CDH13: variants seen among roughly 807,000 people sequenced by gnomAD.
CDH13 encodes the protein cadherin-13.
Under a neutral mutation model 63.8 loss-of-function variants are expected in CDH13, and 24 were observed. The ratio of observed to expected loss-of-function variants is 0.38; its 90% CI spans 0.27 to 0.53. The LOEUF (loss-of-function observed/expected upper bound fraction) is 0.53, where lower values mean the gene tolerates loss of function less well. Among genes scored for constraint, CDH13 ranks in the 20% least tolerant of loss-of-function variants. The probability of loss-of-function intolerance (pLI) is 0.85; values close to 1 mark genes in which losing one functional copy is unlikely to be tolerated. For synonymous variants in CDH13, 503 were observed against 355.3 expected (o/e 1.42, Z -4.67); for missense variants, 1,049 against 903.1 (o/e 1.16, Z -2.07).
chr16:83,014,776 G>GTATATATATTTGTGTA lies in CDH13; in HGVS notation c.158-17225_158-17224insTTGTGTATATATATAT, dbSNP rs1567745792. On this transcript the variant is annotated intron_variant, in intron 2 of 13. Coordinates refer to ENST00000567109, the MANE Select transcript of CDH13 (RefSeq NM_001257.5). ...TATATATATATATATATATATATAT[G>GTATATATATTTGTGTA]TATATATATATATTTGTATATATAT... Among the ~76,000 whole-genome samples the GTATATATATTTGTGTA allele has an allele frequency of 1.3e-4, 5 of 37,300 alleles. No individual in the cohort carries two copies. The South Asian group carries it at 2.4e-3, about 18-fold the overall frequency. 24.5% of individuals were successfully genotyped at this position (37,300 alleles called of 152,430 possible).
At chr16:83,412,321 G>A (rs887752826) in intron 6 of CDH13, among the ~76,000 whole-genome samples, 1 of 152,122 alleles carries the variant, frequency 6.6e-6, no homozygotes, top group African/African-American at 2.4e-5. Context: ...AATTAGTCAG[G>A]CATGGTGGCA....
At chr16:83,395,097 A>G (rs10871272) in intron 6 of CDH13, among the ~76,000 whole-genome samples, 148,781 of 149,368 alleles carry the variant, frequency 1, 74,100 homozygotes, top group Middle Eastern at 1. Context: ...GCAGTGAGCC[A>G]AGATCGTGCC....
intron 3 of CDH13, among the ~76,000 whole-genome samples, chr16:83,080,871 G>GTTTTTTTTTTTGTTTTTT (rs2033185148): frequency 2.6e-4 from 12 of 46,950 alleles, no homozygotes; most frequent in Admixed American, 7.5e-4. Context: ...TTGTTTTTGT[G>GTTTTTTTTTTTGTTTTTT]TTTTTTTTTT....
chr16:83,216,546 G>T (rs1400966558), intron 4 of CDH13, among the ~76,000 whole-genome samples: 3 of 138,534 alleles, frequency 2.2e-5, no homozygotes, highest in Non-Finnish European at 4.6e-5. Context: ...TATATATAAT[G>T]GGGTTTAATA....
chr16:83,020,951 C>G (rs1045265611), intron 2 of CDH13, among the ~76,000 whole-genome samples: 1 of 152,200 alleles, frequency 6.6e-6, no homozygotes, highest in African/African-American at 2.4e-5. Flanking sequence ...GAGTAAAGCT[C>G]TCTTCACATT....
intron 7 of CDH13, among the ~76,000 whole-genome samples, chr16:83,558,054 C>G (rs915271399): frequency 6.6e-6 from 1 of 152,104 alleles, no homozygotes; most frequent in African/African-American, 2.4e-5. Flanking sequence ...AAAGGGCACC[C>G]AGCAATGCTC....
At chr16:82,850,661 C>A (rs942649209) in intron 1 of CDH13, among the ~76,000 whole-genome samples, 1 of 152,118 alleles carries the variant, frequency 6.6e-6, no homozygotes, top group Non-Finnish European at 1.5e-5. Context: ...AGAAATCATT[C>A]GTGAAAGGAA....
chr16:83,334,675 C>A (rs1248304391), intron 5 of CDH13, among the ~76,000 whole-genome samples: 4 of 152,116 alleles, frequency 2.6e-5, no homozygotes, highest in Admixed American at 2.6e-4. Flanking sequence ...CATACCTGGC[C>A]CAATCTCTGT....
At chr16:82,862,020 G>A (rs898799064) in intron 2 of CDH13, among the ~76,000 whole-genome samples, 1 of 152,200 alleles carries the variant, frequency 6.6e-6, no homozygotes, top group African/African-American at 2.4e-5. Flanking sequence ...AGCTTAGAAG[G>A]CAACCACTCA....
chr16:83,776,486 T>A (rs1015874352), intron 11 of CDH13, among the ~76,000 whole-genome samples: 1 of 152,174 alleles, frequency 6.6e-6, no homozygotes, highest in African/African-American at 2.4e-5. Flanking sequence ...AATGATCAAT[T>A]GCATTTGTGT....
In CDH13 at chr16:83,301,025, G is replaced by GTTTTTTTTT. The variant is rs3052591; in HGVS notation, c.637-43821_637-43813dup. 7.1e-4 allele frequency among the ~76,000 whole-genome samples: 56 copies of GTTTTTTTTT among 78,780 alleles called. 8 individuals carry two copies. Among genetic ancestry groups the GTTTTTTTTT allele is most frequent in the East Asian group, 5.0e-3 (11 of 2,182 alleles). The allele number at this position is 78,780 out of a possible 152,430, so 51.7% of individuals were successfully genotyped here. A position where few individuals can be genotyped will look rare whatever the true frequency, so the allele number is the denominator to read the frequency against. ...GAACTGATACATATAACTTTCTGGG[G>GTTTTTTTTT]TTTTTTTTTTTTTTTTTTTTTTTTG... On this transcript the variant is annotated intron_variant, in intron 5 of 13. Coordinates refer to ENST00000567109, the MANE Select transcript of CDH13 (RefSeq NM_001257.5).
intron 3 of CDH13, among the ~76,000 whole-genome samples, chr16:83,092,899 A>T (rs551861083): frequency 1.3e-5 from 2 of 152,328 alleles, no homozygotes; most frequent in Non-Finnish European, 2.9e-5. Context: ...GCACTGTTTC[A>T]TTTATAAAAA....
intron 7 of CDH13, among the ~76,000 whole-genome samples, chr16:83,507,139 CT>C (rs1279297368): frequency 6.6e-6 from 1 of 152,184 alleles, no homozygotes; most frequent in African/African-American, 2.4e-5. Flanking sequence ...CCTCTGTGGA[CT>C]TTTTCTGGTC....
At chr16:82,988,933 G>C (rs913048362) in intron 2 of CDH13, among the ~76,000 whole-genome samples, 5 of 152,122 alleles carry the variant, frequency 3.3e-5, no homozygotes, top group African/African-American at 1.2e-4. Flanking sequence ...GTTCCTTGAA[G>C]ACTCCATTGT....
chr16:82,988,378 C>G (rs1911221670), intron 2 of CDH13, among the ~76,000 whole-genome samples: 3 of 152,104 alleles, frequency 2.0e-5, no homozygotes, highest in South Asian at 2.1e-4. Flanking sequence ...TGGTGAACCC[C>G]TAGTGTGAAG....
chr16:82,817,957 A>G (rs1166554881), intron 1 of CDH13, among the ~76,000 whole-genome samples: 2 of 151,946 alleles, frequency 1.3e-5, no homozygotes, highest in Non-Finnish European at 2.9e-5. Context: ...GTATATATAT[A>G]TATGTATGTA....
intron 5 of CDH13, among the ~76,000 whole-genome samples, chr16:83,339,208 T>A (rs1287229433): frequency 6.6e-6 from 1 of 152,082 alleles, no homozygotes; most frequent in Non-Finnish European, 1.5e-5. Context: ...AAGGTTTCAT[T>A]TGAGGAAGAG....
chr16:83,225,780 A>G (rs754371582), intron 5 of CDH13, among the ~76,000 whole-genome samples: 2 of 152,156 alleles, frequency 1.3e-5, no homozygotes, highest in African/African-American at 2.4e-5. Flanking sequence ...AAATTCTCCA[A>G]GTTTTTCCAT....
intron 2 of CDH13, among the ~76,000 whole-genome samples, chr16:82,927,971 G>T (rs1374561951): frequency 6.6e-6 from 1 of 152,136 alleles, no homozygotes. Flanking sequence ...GAGATATATG[G>T]TTCTAATAAT....
Sources: gnomAD v4.1 joint callset for allele counts (sites outside exome capture counted in the v4.1 genomes callset) on GRCh38, gnomAD v4.1.1 for gene constraint, MANE v1.5 for transcripts, NCBI Gene and HGNC (gene_info 2026-07-23, HGNC 2026-07-21) for gene names.